Variants in PITPNM2 observed in about 807,000 individuals in gnomAD.
PITPNM2 encodes the protein membrane-associated phosphatidylinositol transfer protein 2.
In PITPNM2, 35 loss-of-function variants were observed where a neutral mutation model predicts 132.2. That is an observed-to-expected ratio of 0.26 (90% CI 0.20 to 0.35). The LOEUF is 0.35. Among genes scored for constraint, PITPNM2 ranks in the 10% least tolerant of loss-of-function variants. The pLI, the probability that PITPNM2 is intolerant of heterozygous loss-of-function variation, is 1.00. For missense variants in PITPNM2, 1,332 were observed against 1,912.0 expected, an observed-to-expected ratio of 0.70 and a Z score of 5.66; for synonymous variants, 738 against 799.2, an observed-to-expected ratio of 0.92 and a Z score of 1.29.
At chr12:123,063,042 A>G (rs921006974) in intron 2 of PITPNM2, among the ~76,000 whole-genome samples, 6 of 152,354 alleles carry the variant, frequency 3.9e-5, no homozygotes, top group Admixed American at 6.5e-5. Flanking sequence ...TATTCATAAC[A>G]CAGGCCTGCG....
intron 3 of PITPNM2, among the ~76,000 whole-genome samples, chr12:123,014,469 T>C (rs1202659702): frequency 6.6e-6 from 1 of 152,184 alleles, no homozygotes. Context: ...TTCAGGAGGC[T>C]GAGGTGGGCA....
intron 2 of PITPNM2, among the ~76,000 whole-genome samples, chr12:123,051,903 T>C (rs2040867102): frequency 7.9e-6 from 1 of 126,432 alleles, no homozygotes. Flanking sequence ...GTTTTTCCAT[T>C]CTATTCTTTT....
At chr12:123,027,136 T>C (rs2039892445) in intron 3 of PITPNM2, among the ~76,000 whole-genome samples, 1 of 151,734 alleles carries the variant, frequency 6.6e-6, no homozygotes. Flanking sequence ...GTCCCTCATC[T>C]CTCGGTGGGG....
At chr12:123,065,556 C>T (rs1362909846) in intron 2 of PITPNM2, among the ~76,000 whole-genome samples, 1 of 152,222 alleles carries the variant, frequency 6.6e-6, no homozygotes, top group African/African-American at 2.4e-5. Context: ...CAGATTATGT[C>T]TTTTTGACAG....
chr12:123,015,978 A>G (rs1413064582), intron 3 of PITPNM2, among the ~76,000 whole-genome samples: 1 of 152,220 alleles, frequency 6.6e-6, no homozygotes, highest in Non-Finnish European at 1.5e-5. Flanking sequence ...CGAATGGCCA[A>G]TAAGCAATGA....
At chr12:123,041,405 T>G (rs967184650) in intron 2 of PITPNM2, among the ~76,000 whole-genome samples, 2 of 152,144 alleles carry the variant, frequency 1.3e-5, no homozygotes, top group African/African-American at 4.8e-5. Flanking sequence ...CCTGCTGTGG[T>G]GCTGGTTGGC....
At chr12:123,109,645 G>C (rs532780085) in intron 2 of PITPNM2, among the ~76,000 whole-genome samples, 1 of 152,328 alleles carries the variant, frequency 6.6e-6, no homozygotes, top group East Asian at 1.9e-4. Flanking sequence ...CGAGTAGCCA[G>C]AGCCTGAGCT....
rs1338067174 is a variant in PITPNM2, at chr12:123,111,710, C to T, written c.-199-1222G>A. On this transcript the variant is annotated intron_variant, in intron 1 of 25. Coordinates refer to ENST00000320201, the MANE Select transcript of PITPNM2 (RefSeq NM_020845.3). This position sits in a 1 kb window ranked among gnomAD's most constrained non-coding sequence, Gnocchi z 4.1. The stretch of plus-strand genomic sequence containing the variant: ...GGCTCCATCGCTGTCCTGCCCCAGC[C>T]CCTTGTCTCCACGGCTGCATGTACA... 6.6e-6 allele frequency among the ~76,000 whole-genome samples: 1 copy of T among 152,188 alleles called. No homozygotes were observed. The highest frequency in any genetic ancestry group is 1.5e-5 in the Non-Finnish European group (1 of 68,032).
intron 2 of PITPNM2, among the ~76,000 whole-genome samples, chr12:123,103,778 G>A (rs887467666): frequency 6.6e-6 from 1 of 152,330 alleles, no homozygotes; most frequent in Non-Finnish European, 1.5e-5. Context: ...TGGGTTAGGT[G>A]TAAAGGTTGG....
chr12:123,150,935 C>T lies in PITPNM2; in HGVS notation c.-382G>A, dbSNP rs1325618482. Among the ~76,000 whole-genome samples the T allele has an allele frequency of 1.4e-5, 2 of 145,752 alleles. No homozygotes were observed. Among genetic ancestry groups the T allele is most frequent in the Non-Finnish European group, 3.0e-5 (2 of 65,664 alleles). Reference sequence around the variant, plus strand: ...AGCCCCGGCGGGCATTGCTCCCGAGCGTCGCAGGCGGGCGGCGGCGGCGCA... The same window carrying T: ...AGCCCCGGCGGGCATTGCTCCCGAGTGTCGCAGGCGGGCGGCGGCGGCGCA... On this transcript the variant is annotated 5_prime_UTR_variant, in exon 1 of 26. Coordinates refer to ENST00000320201, the MANE Select transcript of PITPNM2 (RefSeq NM_020845.3). This position sits in a 1 kb window ranked among gnomAD's most constrained non-coding sequence, Gnocchi z 6.0.
chr12:122,988,980 A>C (rs2038063651), intron 18 of PITPNM2, 108 bp from the exon 19 acceptor site: 1 of 1,243,048 alleles, frequency 8.0e-7, no homozygotes, highest in Admixed American at 3.0e-5. Flanking sequence ...TCCCCCCACC[A>C]GCTATAGCCA....
Position 122,997,435 on chromosome 12 carries a change from G to C in PITPNM2, c.1362C>G (p.Asn454Lys). Reference sequence around the variant, plus strand: ...GCACGCGCATGACGGTGTCGAACACGTTGGCGATGGTGTTAGCATCGCCCT... The same window carrying C: ...GCACGCGCATGACGGTGTCGAACACCTTGGCGATGGTGTTAGCATCGCCCT... The part of the protein sequence containing the change: ...SKKGDANTIA[N>K]VFDTVMRVHY... Residue 454 changes from asparagine to lysine, a missense_variant, in exon 11 of 26, where the codon AAC (asparagine) becomes AAG (lysine). Physicochemically the swap from Asn to Lys is moderately conservative, Grantham distance 94. Around this residue, in one of 6 missense-constraint regions of PITPNM2, gnomAD observed 710 missense variants for 911.5 expected, o/e 0.78. Coordinates refer to ENST00000320201, the MANE Select transcript of PITPNM2 (RefSeq NM_020845.3). 6.2e-7 allele frequency: 1 copy of C among 1,613,570 alleles called. No homozygotes were observed.
chr12:123,029,035 C>A (rs2039976455), intron 3 of PITPNM2, among the ~76,000 whole-genome samples: 1 of 152,206 alleles, frequency 6.6e-6, no homozygotes, highest in Admixed American at 6.5e-5. Context: ...GGAGCCACAG[C>A]ACAGGCTGGG....
At chr12:123,113,493 A>G (rs2042880025) in intron 1 of PITPNM2, among the ~76,000 whole-genome samples, 1 of 152,170 alleles carries the variant, frequency 6.6e-6, no homozygotes, top group Admixed American at 6.5e-5. Context: ...TGAGCTCAGG[A>G]GTTCAAGACA....
intron 2 of PITPNM2, among the ~76,000 whole-genome samples, chr12:123,039,710 G>A (rs1277183569): frequency 2.6e-5 from 4 of 152,174 alleles, no homozygotes; most frequent in South Asian, 2.1e-4. Flanking sequence ...GACTTAGGGC[G>A]ATGCCATGTC....
At chr12:123,090,454 G>A (rs2042226957) in intron 2 of PITPNM2, 1 of 152,208 alleles carries the variant, frequency 6.6e-6, no homozygotes, top group Non-Finnish European at 1.5e-5. Context: ...CCACCTCTCA[G>A]GTTCAAGTGA....
chr12:123,148,798 C>A (rs1283879439), intron 1 of PITPNM2, among the ~76,000 whole-genome samples: 1 of 152,076 alleles, frequency 6.6e-6, no homozygotes, highest in African/African-American at 2.4e-5. Flanking sequence ...CACGTGTAAA[C>A]AGATAAGGGC....
At chr12:123,109,421 T>C (rs1313216133) in intron 2 of PITPNM2, among the ~76,000 whole-genome samples, 1 of 152,150 alleles carries the variant, frequency 6.6e-6, no homozygotes, top group Non-Finnish European at 1.5e-5. Flanking sequence ...GAGAGACTGC[T>C]ACTCCCTGGG....
chr12:123,021,617 G>C (rs1157191307), intron 3 of PITPNM2: 6 of 952,224 alleles, frequency 6.3e-6, no homozygotes, highest in Non-Finnish European at 6.3e-6. Flanking sequence ...GCGGTGTCAG[G>C]TGAAGACCAT....
Sources: gnomAD v4.1 joint callset for allele counts (sites outside exome capture counted in the v4.1 genomes callset) on GRCh38, gnomAD v4.1.1 for gene constraint, gnomAD v4.1.1 regional missense constraint, Gnocchi (gnomAD v3.1) non-coding constraint, MANE v1.5 for transcripts, NCBI Gene and HGNC (gene_info 2026-07-23, HGNC 2026-07-21) for gene names.